The following NAALADL2 variants were observed in gnomAD, a reference collection of about 807,000 sequenced individuals.
The protein encoded by NAALADL2 is inactive N-acetylated-alpha-linked acidic dipeptidase-like protein 2.
In NAALADL2, 76 loss-of-function variants were observed where a neutral mutation model predicts 87.2. The observed-to-expected ratio is 0.87, with a 90% CI of 0.72 to 1.05. The LOEUF is 1.05. NAALADL2 is among the 50% of genes least tolerant of loss of function. The pLI, the probability that NAALADL2 is intolerant of heterozygous loss-of-function variation, is 0.00. For missense variants in NAALADL2, 1,089 were observed against 945.8 expected, an observed-to-expected ratio of 1.15 and a Z score of -1.99; for synonymous variants, 354 against 331.0, an observed-to-expected ratio of 1.07 and a Z score of -0.75.
At chr3:174,712,870 G>A (rs1694718012) in intron 2 of NAALADL2, among the ~76,000 whole-genome samples, 2 of 152,106 alleles carry the variant, frequency 1.3e-5, no homozygotes, top group Non-Finnish European at 2.9e-5. Flanking sequence ...AGTTACGTAT[G>A]TATACATGTG....
chr3:174,657,420 T>C (rs1024278076), intron 2 of NAALADL2, among the ~76,000 whole-genome samples: 4 of 152,020 alleles, frequency 2.6e-5, no homozygotes, highest in Non-Finnish European at 4.4e-5. Flanking sequence ...GCCTTCCCAA[T>C]TGTTGAGACT....
chr3:174,797,405 G>A (rs181911068), intron 3 of NAALADL2, among the ~76,000 whole-genome samples: 232 of 137,642 alleles, frequency 1.7e-3, no homozygotes, highest in African/African-American at 6.1e-3. Context: ...TCTGCCTCCC[G>A]GGTTCAAGCG....
At chr3:175,591,559 A>G (rs1210679045) in intron 10 of NAALADL2, among the ~76,000 whole-genome samples, 1 of 152,062 alleles carries the variant, frequency 6.6e-6, no homozygotes, top group Non-Finnish European at 1.5e-5. Context: ...CTAAGATATC[A>G]TCCATGATGC....
chr3:175,154,749 C>T (rs552367147), intron 2 of NAALADL2, among the ~76,000 whole-genome samples: 24 of 152,156 alleles, frequency 1.6e-4, no homozygotes, highest in African/African-American at 5.8e-4. Flanking sequence ...GTCTTTAGCA[C>T]TTAAACTGTG....
intron 9 of NAALADL2, among the ~76,000 whole-genome samples, chr3:175,521,702 A>G (rs1439638898): frequency 6.6e-6 from 1 of 152,194 alleles, no homozygotes; most frequent in Non-Finnish European, 1.5e-5. Context: ...AGGGGCAGAG[A>G]TTAGAGTGAT....
chr3:174,848,005 CTCTT>C (rs1724828210), intron 3 of NAALADL2, among the ~76,000 whole-genome samples: 1 of 144,396 alleles, frequency 6.9e-6, no homozygotes. Context: ...TCTTTTCTCT[CTCTT>C]TTTTTTTTTT....
At chr3:175,069,805 A>G (rs1224202320) in intron 1 of NAALADL2, among the ~76,000 whole-genome samples, 8 of 147,064 alleles carry the variant, frequency 5.4e-5, no homozygotes, top group African/African-American at 7.5e-5. Context: ...AATGTGGCAC[A>G]TATACACCAT....
At chr3:175,456,878 G>A (rs148880737) in intron 6 of NAALADL2, among the ~76,000 whole-genome samples, 29 of 152,112 alleles carry the variant, frequency 1.9e-4, no homozygotes, top group Non-Finnish European at 3.7e-4. Context: ...ACCTGGAAGA[G>A]TTTCTGTCTT....
intron 1 of NAALADL2, among the ~76,000 whole-genome samples, chr3:174,888,485 C>T (rs1730476141): frequency 6.6e-6 from 1 of 152,164 alleles, no homozygotes; most frequent in African/African-American, 2.4e-5. Flanking sequence ...CAAATACTTT[C>T]CATCTGCTGC....
intron 13 of NAALADL2, chr3:175,773,063 G>T (rs1749724224): frequency 6.6e-6 from 1 of 152,092 alleles, no homozygotes; most frequent in African/African-American, 2.4e-5. Flanking sequence ...ACTTAAGCAG[G>T]ATCTTATAAT....
chr3:175,546,948 G>A (rs989248591), intron 9 of NAALADL2, among the ~76,000 whole-genome samples: 1 of 152,104 alleles, frequency 6.6e-6, no homozygotes, highest in African/African-American at 2.4e-5. Flanking sequence ...AGAAATACAT[G>A]CTGATGGATA....
chr3:174,816,273 C>CAG (rs546941500), intron 3 of NAALADL2, among the ~76,000 whole-genome samples: 4 of 150,994 alleles, frequency 2.6e-5, no homozygotes, highest in Admixed American at 1.3e-4. Flanking sequence ...TCTGTATATA[C>CAG]AGAGAGAGAG....
At chr3:174,730,995 A>C (rs1368022711) in intron 2 of NAALADL2, among the ~76,000 whole-genome samples, 1 of 152,136 alleles carries the variant, frequency 6.6e-6, no homozygotes, top group Non-Finnish European at 1.5e-5. Flanking sequence ...CACAATTATA[A>C]ATTTTTTTCA....
intron 2 of NAALADL2, among the ~76,000 whole-genome samples, chr3:174,608,103 G>C (rs1445776283): frequency 6.6e-6 from 1 of 151,906 alleles, no homozygotes; most frequent in Admixed American, 6.6e-5. Flanking sequence ...AAATAAAGAT[G>C]TTCTTTGAAA....
At position 174,571,371 on chromosome 3, in the gene NAALADL2, A is replaced by G. The variant is rs565168715; in HGVS notation, c.-115+20734A>G. On this transcript the variant is annotated intron_variant, in intron 2 of 3. Transcript: ENST00000434257. ...ATAGATCAAATTCACTAATGCATGCATGTAAATTCTTTTTTTTTCTTTGAG... is the reference window on the plus strand; with the variant it reads ...ATAGATCAAATTCACTAATGCATGCGTGTAAATTCTTTTTTTTTCTTTGAG... Among the ~76,000 whole-genome samples the G allele has an allele frequency of 3.3e-5, 5 of 152,236 alleles. No individual in the cohort carries two copies. In the East Asian group the frequency reaches 9.7e-4, roughly 29 times the overall value.
chr3:175,693,599 TGACTC>T (rs1192629596), intron 11 of NAALADL2, among the ~76,000 whole-genome samples: 1 of 152,048 alleles, frequency 6.6e-6, no homozygotes. Context: ...TTGTCAGACT[TGACTC>T]TTATCATAGG....
At chr3:175,471,552 G>T in intron 8 of NAALADL2, 87 bp from the exon 9 acceptor site, 2 of 717,752 alleles carry the variant, frequency 2.8e-6, no homozygotes, top group Non-Finnish European at 4.6e-6. Context: ...AGTATGAAAT[G>T]AAATGTTCAT....
chr3:175,258,117 G>T (rs1422181172), intron 4 of NAALADL2, among the ~76,000 whole-genome samples: 1 of 151,998 alleles, frequency 6.6e-6, no homozygotes, highest in Non-Finnish European at 1.5e-5. Context: ...GACCATCTTG[G>T]CCAACATGGT....
intron 11 of NAALADL2, among the ~76,000 whole-genome samples, chr3:175,660,441 T>C (rs1392268134): frequency 6.6e-6 from 1 of 152,194 alleles, no homozygotes; most frequent in Non-Finnish European, 1.5e-5. Context: ...ATGTACACAA[T>C]GTGTAATAAT....
Sources: allele counts gnomAD v4.1 joint callset (sites outside exome capture counted in the v4.1 genomes callset), GRCh38; gene constraint gnomAD v4.1.1; transcripts MANE v1.5; gene names NCBI Gene and HGNC (gene_info 2026-07-23, HGNC 2026-07-21).